Variants in IL1RAPL1 observed in about 807,000 individuals in gnomAD.
IL1RAPL1 encodes the protein interleukin 1 receptor accessory protein like 1, also known as interleukin-1 receptor accessory protein-like 1.
Under a neutral mutation model 48.4 loss-of-function variants are expected in IL1RAPL1, and 3 were observed. The observed-to-expected ratio is 0.06, with a 90% CI of 0.03 to 0.16. The LOEUF (loss-of-function observed/expected upper bound fraction) is 0.16. Among genes scored for constraint, IL1RAPL1 ranks in the 10% least tolerant of loss-of-function variants. IL1RAPL1 has a pLI of 1.00. For missense variants in IL1RAPL1, 349 were observed against 530.6 expected (o/e 0.66, Z 3.36); for synonymous variants, 185 against 187.7 (o/e 0.99, Z 0.12).
intron 2 of IL1RAPL1, among the ~76,000 whole-genome samples, chrX:29,091,281 T>C (rs1245460967): frequency 2.7e-5 from 3 of 111,929 alleles, no homozygotes; most frequent in Non-Finnish European, 5.6e-5. Context: ...ACTGATACAG[T>C]AGCTGGGTTT....
chrX:28,722,668 C>G (rs1451687558), intron 1 of IL1RAPL1, among the ~76,000 whole-genome samples: 2 of 111,533 alleles, frequency 1.8e-5, no homozygotes, highest in Non-Finnish European at 3.8e-5. Flanking sequence ...CTGTCTTATG[C>G]CAGTTTTCGA....
chrX:29,582,204 A>G (rs5927829), intron 5 of IL1RAPL1, among the ~76,000 whole-genome samples: 33,470 of 110,209 alleles, frequency 0.3, 3,792 homozygotes, highest in South Asian at 0.46. Flanking sequence ...ATAATCCTAA[A>G]AATGAAACTG....
At chrX:29,217,248 C>G (rs1057337469) in intron 2 of IL1RAPL1, among the ~76,000 whole-genome samples, 2 of 112,211 alleles carry the variant, frequency 1.8e-5, no homozygotes, top group Non-Finnish European at 3.8e-5. Context: ...TAGACCAAAT[C>G]AATTGACTTC....
At chrX:28,824,912 A>G (rs1317760975) in intron 2 of IL1RAPL1, among the ~76,000 whole-genome samples, 5 of 111,154 alleles carry the variant, frequency 4.5e-5, no homozygotes, top group Non-Finnish European at 9.5e-5. Context: ...TATGCAACAT[A>G]CCCTTTCTGT....
At chrX:29,158,943 CCTCCCTCTCCCT>C (rs1306819388) in intron 2 of IL1RAPL1, among the ~76,000 whole-genome samples, 1 of 54,306 alleles carries the variant, frequency 1.8e-5, no homozygotes, top group African/African-American at 7.9e-5. Context: ...CCCCCCCCTC[CCTCCCTCTCCCT>C]CTCTCTCTCT....
intron 8 of IL1RAPL1, among the ~76,000 whole-genome samples, chrX:29,926,095 A>G (rs1447230564): frequency 1.9e-5 from 2 of 107,155 alleles, no homozygotes; most frequent in Non-Finnish European, 3.8e-5. Flanking sequence ...TGCAACCTCC[A>G]CCTCCTGAGT....
At chrX:29,392,909 TAAAC>T (rs1336871375) in intron 3 of IL1RAPL1, among the ~76,000 whole-genome samples, 3 of 112,238 alleles carry the variant, frequency 2.7e-5, no homozygotes, top group Admixed American at 9.4e-5. Flanking sequence ...TCTAATTTGT[TAAAC>T]AAACACTGTG....
intron 9 of IL1RAPL1, among the ~76,000 whole-genome samples, chrX:29,943,517 G>T (rs1050480475): frequency 5.4e-5 from 6 of 111,939 alleles, no homozygotes; most frequent in Non-Finnish European, 9.4e-5. Flanking sequence ...TATCTTATCG[G>T]ATACTCTCTA....
At chrX:29,334,764 C>G (rs1212657582) in intron 3 of IL1RAPL1, among the ~76,000 whole-genome samples, 26 of 110,604 alleles carry the variant, frequency 2.4e-4, no homozygotes, top group African/African-American at 8.9e-4. Flanking sequence ...GGATGGCGGC[C>G]GGGCAGAGAC....
chrX:28,712,827 T>A (rs1320975502), intron 1 of IL1RAPL1, among the ~76,000 whole-genome samples: 1 of 111,125 alleles, frequency 9.0e-6, no homozygotes, highest in African/African-American at 3.3e-5. Context: ...GAGGCTATTT[T>A]TTTTAAAAAA....
intron 2 of IL1RAPL1, among the ~76,000 whole-genome samples, chrX:29,100,386 C>T (rs1025118995): frequency 9.0e-6 from 1 of 111,454 alleles, no homozygotes; most frequent in Admixed American, 9.6e-5. Context: ...AAAGAGACCA[C>T]TTGATGAGTT....
At chrX:29,736,674 C>T (rs769918994) in intron 6 of IL1RAPL1, among the ~76,000 whole-genome samples, 1 of 110,813 alleles carries the variant, frequency 9.0e-6, no homozygotes, top group South Asian at 3.9e-4. Context: ...TACAGTGAGC[C>T]GAGATCGTGC....
At chrX:29,827,939 C>G (rs940172600) in intron 6 of IL1RAPL1, among the ~76,000 whole-genome samples, 1 of 112,253 alleles carries the variant, frequency 8.9e-6, no homozygotes, top group Non-Finnish European at 1.9e-5. Flanking sequence ...CTGTGGCCTT[C>G]TATTAAATAT....
At chrX:29,653,598 A>G (rs1274403359) in intron 5 of IL1RAPL1, among the ~76,000 whole-genome samples, 1 of 111,161 alleles carries the variant, frequency 9.0e-6, no homozygotes, top group Non-Finnish European at 1.9e-5. Context: ...TCTTTCTTGT[A>G]CCTCTTATTT....
At chrX:29,191,120 A>G (rs1419433724) in intron 2 of IL1RAPL1, among the ~76,000 whole-genome samples, 2 of 111,925 alleles carry the variant, frequency 1.8e-5, no homozygotes, top group African/African-American at 6.5e-5. Flanking sequence ...AATCTAATAT[A>G]TATAGGTATA....
At chrX:28,860,110 G>A (rs183318864) in intron 2 of IL1RAPL1, among the ~76,000 whole-genome samples, 189 of 111,629 alleles carry the variant, frequency 1.7e-3, no homozygotes, top group Non-Finnish European at 3.0e-3. Flanking sequence ...TACATAAATT[G>A]CTTTGACTAA....
chrX:29,570,230 A>G (rs368403480), intron 5 of IL1RAPL1, among the ~76,000 whole-genome samples: 5 of 112,625 alleles, frequency 4.4e-5, no homozygotes, highest in Non-Finnish European at 7.5e-5. Context: ...ATTATCAAAA[A>G]TAGCTGAGAA....
At chrX:29,734,040 T>G (rs2147131949) in intron 6 of IL1RAPL1, among the ~76,000 whole-genome samples, 1 of 112,832 alleles carries the variant, frequency 8.9e-6, no homozygotes, top group Non-Finnish European at 1.9e-5. Context: ...CACTGGAAGA[T>G]TTGCTCACTT....
intron 2 of IL1RAPL1, among the ~76,000 whole-genome samples, chrX:29,111,563 A>G (rs1486834364): frequency 2.7e-5 from 3 of 111,593 alleles, no homozygotes; most frequent in African/African-American, 6.5e-5. Flanking sequence ...AAATTCCTGT[A>G]TACGTCTCCT....
Sources: gnomAD v4.1 joint callset for allele counts (sites outside exome capture counted in the v4.1 genomes callset) on GRCh38, gnomAD v4.1.1 for gene constraint, MANE v1.5 for transcripts, NCBI Gene and HGNC (gene_info 2026-07-23, HGNC 2026-07-21) for gene names.